TRPM5: variants seen among roughly 807,000 people sequenced by gnomAD.
The protein encoded by TRPM5 is transient receptor potential cation channel subfamily M member 5.
In TRPM5, 121 loss-of-function variants were observed where a neutral mutation model predicts 124.9. That is an observed-to-expected ratio of 0.97 (90% CI 0.84 to 1.13). The LOEUF (loss-of-function observed/expected upper bound fraction) is 1.13. Ranked by LOEUF, TRPM5 falls within the 50% of genes most tolerant of loss-of-function variation. TRPM5 has a pLI of 0.00. For synonymous variants in TRPM5, 781 were observed against 700.5 expected (o/e 1.11, Z -1.81); for missense variants, 1,643 against 1,589.1 (o/e 1.03, Z -0.58).
chr11:2,406,586 G>A (rs1042555102), intron 21 of TRPM5, 75 bp downstream of exon 26: 1 of 1,520,240 alleles, frequency 6.6e-7, no homozygotes, highest in Admixed American at 2.0e-5. Context: ...CAGATCCTCT[G>A]TCACTGGCGC....
intron 7 of TRPM5, among the ~76,000 whole-genome samples, chr11:2,416,988 G>A (rs776702763): frequency 3.3e-5 from 5 of 152,196 alleles, no homozygotes; most frequent in Non-Finnish European, 7.3e-5. Flanking sequence ...GGGAACCATG[G>A]ACACGAAATG....
intron 3 of TRPM5, among the ~76,000 whole-genome samples, 189 bp downstream of exon 8, chr11:2,420,843 C>T (rs1404016864): frequency 6.6e-6 from 1 of 152,310 alleles, no homozygotes; most frequent in South Asian, 2.1e-4. Flanking sequence ...TGAGGGCCCG[C>T]GCCACAGTCT....
intron 7 of TRPM5, 92 bp downstream of exon 12, chr11:2,417,635 C>T: frequency 9.9e-7 from 1 of 1,014,294 alleles, no homozygotes; most frequent in Non-Finnish European, 1.5e-6. Context: ...GGCCGAGCGT[C>T]ACAAACATTG....
intron 1 of TRPM5, 118 bp from the exon 7 acceptor site, chr11:2,422,439 G>C: frequency 2.6e-6 from 2 of 781,964 alleles, no homozygotes; most frequent in South Asian, 3.6e-5. Flanking sequence ...GGGGGACACT[G>C]GGCACTGGGA....
chr11:2,416,536 C>A (rs1281707629), intron 7 of TRPM5, among the ~76,000 whole-genome samples: 1 of 152,238 alleles, frequency 6.6e-6, no homozygotes, highest in Admixed American at 6.5e-5. Context: ...TCAGCCTCCA[C>A]AACCATGGAC....
downstream of TRPM5, among the ~76,000 whole-genome samples, chr11:2,404,350 T>G (rs1192521845): frequency 2.0e-5 from 3 of 152,154 alleles, no homozygotes; most frequent in African/African-American, 7.2e-5. Context: ...CAGCAGGGGC[T>G]TTGTCTTGGG....
At chr11:2,418,293 G>A (rs772192123) in exon 6 of TRPM5, 92 of 1,574,962 alleles carry the variant, frequency 5.8e-5, no homozygotes, top group Middle Eastern at 1.7e-4. Context: ...CAAGCACATC[G>A]GCGATGCCCC....
intron 18 of TRPM5, among the ~76,000 whole-genome samples, chr11:2,409,271 C>G (rs944925917): frequency 6.6e-6 from 1 of 152,092 alleles, no homozygotes; most frequent in African/African-American, 2.4e-5. Flanking sequence ...TGTTCCTGGG[C>G]AGACTGATGA....
chr11:2,437,558 G>A, the TRPM5 span, among the ~76,000 whole-genome samples: 5 of 152,196 alleles, frequency 3.3e-5, no homozygotes, highest in Non-Finnish European at 5.9e-5. The surrounding 1 kb of genome is among the most constrained non-coding windows in gnomAD (Gnocchi z 5.6). Flanking sequence ...GAAGGACCAT[G>A]TCAAGGCAGA....
chr11:2,420,220 A>T lies in TRPM5; in HGVS notation c.649+2T>A, dbSNP rs773420235. The T allele has an allele frequency of 1.9e-6, 3 of 1,589,878 alleles. No homozygotes were observed. Among genetic ancestry groups the T allele is most frequent in the Non-Finnish European group, 2.6e-6 (3 of 1,172,576 alleles). On this transcript the variant is annotated splice_donor_variant, in intron 4 of 23. Transcript: ENST00000155858. LOFTEE classifies it high-confidence loss of function. ...TCCCTGGGTGGCTGGGGCGGGTCTC[A>T]CCCCCGTAGCCCGCCCTCTGCTCCG...
intron 18 of TRPM5, among the ~76,000 whole-genome samples, chr11:2,408,233 G>A (rs1850364643): frequency 6.6e-6 from 1 of 152,128 alleles, no homozygotes; most frequent in Non-Finnish European, 1.5e-5. Flanking sequence ...GGGATGGAAG[G>A]TGGGGGACAG....
chr11:2,413,346 G>A (rs542365552), intron 13 of TRPM5, 120 bp from the exon 19 acceptor site: 49 of 1,303,926 alleles, frequency 3.8e-5, no homozygotes, highest in African/African-American at 6.0e-5. Context: ...AGTGGGACCC[G>A]CAGGGAGGCT....
chr11:2,423,149 A>T (rs906807897), upstream of TRPM5: 5 of 834,046 alleles, frequency 6.0e-6, no homozygotes, highest in Non-Finnish European at 9.5e-6. Flanking sequence ...GCCCCTCTCC[A>T]GCCAACATGC....
the TRPM5 span, among the ~76,000 whole-genome samples, chr11:2,444,223 T>C: frequency 6.6e-6 from 1 of 152,220 alleles, no homozygotes; most frequent in African/African-American, 2.4e-5. Flanking sequence ...CCCGAGCGTA[T>C]TCGCCGCCCG....
At chr11:2,429,342 T>G in the TRPM5 span, among the ~76,000 whole-genome samples, 1 of 150,572 alleles carries the variant, frequency 6.6e-6, no homozygotes. This position sits in a 1 kb window ranked among gnomAD's most constrained non-coding sequence, Gnocchi z 8.4. Flanking sequence ...AGGGTGATGA[T>G]GACAATGAGT....
At chr11:2,421,160 C>T (rs1403334730) in exon 3 of TRPM5, 3 of 1,541,788 alleles carry the variant, frequency 1.9e-6, no homozygotes, top group Non-Finnish European at 2.6e-6. Flanking sequence ...ACATGCCTGG[C>T]CAGGCCCACG....
At chr11:2,415,863 C>T (rs1589871859) in intron 8 of TRPM5, 43 bp downstream of exon 13, 14 of 1,406,428 alleles carry the variant, frequency 1.0e-5, no homozygotes, top group East Asian at 7.4e-5. Flanking sequence ...GCAGCTCGGG[C>T]AGTGCCATGA....
upstream of TRPM5, among the ~76,000 whole-genome samples, chr11:2,424,795 A>G (rs1845823357): frequency 6.6e-6 from 1 of 152,210 alleles, no homozygotes; most frequent in Admixed American, 6.5e-5. Flanking sequence ...TGCCCAGCTC[A>G]GGCTGGTTGT....
chr11:2,442,369 T>A, the TRPM5 span, among the ~76,000 whole-genome samples: 3 of 136,146 alleles, frequency 2.2e-5, no homozygotes, highest in African/African-American at 8.6e-5. This position sits in a 1 kb window ranked among gnomAD's most constrained non-coding sequence, Gnocchi z 5.9. Context: ...TTAGCATCAT[T>A]CTTTGATACA....
Sources: gnomAD v4.1 joint callset for allele counts (sites outside exome capture counted in the v4.1 genomes callset) on GRCh38, gnomAD v4.1.1 for gene constraint, Gnocchi (gnomAD v3.1) non-coding constraint, MANE v1.5 for transcripts, NCBI Gene and HGNC (gene_info 2026-07-23, HGNC 2026-07-21) for gene names.